GNL3: variants seen among roughly 807,000 people sequenced by gnomAD.
GNL3 encodes the protein guanine nucleotide-binding protein-like 3.
In GNL3, 77 loss-of-function variants were observed where a neutral mutation model predicts 70.6. The ratio of observed to expected loss-of-function variants is 1.09; its 90% CI spans 0.91 to 1.32. The LOEUF (loss-of-function observed/expected upper bound fraction) is 1.32, where lower values mean the gene tolerates loss of function less well. GNL3 is among the 40% of genes most tolerant of loss of function. The pLI, the probability that GNL3 is intolerant of heterozygous loss-of-function variation, is 0.00. For synonymous variants in GNL3, 252 were observed against 216.1 expected (o/e 1.17, Z -1.46); for missense variants, 634 against 644.0 (o/e 0.98, Z 0.17).
At chr3:52,686,325 A>C (rs945591704) in intron 1 of GNL3, 1 of 601,758 alleles carries the variant, frequency 1.7e-6, no homozygotes, top group African/African-American at 1.9e-5. Flanking sequence ...AGCCGGGCAG[A>C]GGGTGGGGAA....
intron 6 of GNL3, among the ~76,000 whole-genome samples, chr3:52,690,323 C>T (rs529824327): frequency 5.3e-5 from 8 of 152,204 alleles, no homozygotes; most frequent in Non-Finnish European, 8.8e-5. Context: ...AGTGCAGTGG[C>T]GCCATCTCAG....
intron 1 of GNL3, among the ~76,000 whole-genome samples, 176 bp from the exon 2 acceptor site, chr3:52,686,593 A>C (rs1387879797): frequency 1.3e-5 from 2 of 152,204 alleles, no homozygotes; most frequent in Non-Finnish European, 2.9e-5. Flanking sequence ...TTCTGGATCT[A>C]CTGAATTTAA....
At chr3:52,688,926 T>C (rs2097324697) in intron 5 of GNL3, 148 bp from the exon 6 acceptor site, 1 of 673,078 alleles carries the variant, frequency 1.5e-6, no homozygotes, top group Non-Finnish European at 2.6e-6. Context: ...CATACCAAAG[T>C]GAAGACATGA....
chr3:52,688,253 T>C, intron 5 of GNL3, 61 bp downstream of exon 5: 1 of 961,924 alleles, frequency 1.0e-6, no homozygotes, highest in Non-Finnish European at 1.7e-6. Flanking sequence ...TCAAGTCATT[T>C]TTTTTTTAAC....
In GNL3 at chr3:52,692,884, T is replaced by C. The variant is rs759657394; in HGVS notation, c.882T>C (p.Val294=). 12 of 1,612,928 alleles carry C rather than the reference T, an allele frequency of 7.4e-6. No homozygotes were observed. Among genetic ancestry groups the C allele is most frequent in the Non-Finnish European group, 1.0e-5 (12 of 1,179,308 alleles). Residue 294 remains valine, a synonymous_variant, in exon 10 of 15, where the codon GTT becomes GTC. Coordinates refer to ENST00000418458, the MANE Select transcript of GNL3 (RefSeq NM_014366.5). ...GCTCTTCTTTCAGGAGCATGCAAGT[T>C]GTCCCCTTGGACAAACAGATCACAA... The part of the protein sequence containing the change: ...VSMGLTRSMQ[V]VPLDKQITII...
At chr3:52,693,853 A>G in intron 13 of GNL3, 46 bp downstream of exon 13, 1 of 1,493,702 alleles carries the variant, frequency 6.7e-7, no homozygotes, top group Non-Finnish European at 9.3e-7. Flanking sequence ...GTTTTCTAGC[A>G]TTATAATACA....
chr3:52,686,023 A>T, upstream of GNL3: 1 of 814,252 alleles, frequency 1.2e-6, no homozygotes, highest in Non-Finnish European at 2.2e-6. Flanking sequence ...GACGCTCGTC[A>T]GTGGCTTCAG....
intron 6 of GNL3, 142 bp from the exon 7 acceptor site, chr3:52,690,450 A>G (rs2097326175): frequency 3.6e-6 from 2 of 556,458 alleles, no homozygotes; most frequent in Non-Finnish European, 6.6e-6. Context: ...TTTTTAGTAG[A>G]GACGGGGTTT....
intron 7 of GNL3, 69 bp from the exon 8 acceptor site, chr3:52,690,876 T>C: frequency 6.6e-7 from 1 of 1,512,088 alleles, no homozygotes; most frequent in Non-Finnish European, 9.2e-7. Context: ...CTCTGGAGCC[T>C]GATTGCTTGG....
At chr3:52,693,940 G>T (rs973854837) in intron 13 of GNL3, 97 bp from the exon 14 acceptor site, 15 of 1,301,018 alleles carry the variant, frequency 1.2e-5, no homozygotes, top group Non-Finnish European at 1.4e-5. Flanking sequence ...CCCGTTATAT[G>T]TACCTCCAAA....
upstream of GNL3, chr3:52,686,025 T>C (rs2097307895): frequency 1.2e-6 from 1 of 819,166 alleles, no homozygotes; most frequent in African/African-American, 1.7e-5. Context: ...CGCTCGTCAG[T>C]GGCTTCAGTT....
In GNL3 at chr3:52,690,928, A is replaced by G. The variant is rs936306161; in HGVS notation, c.655-17A>G. 12 of 1,613,098 alleles carry G rather than the reference A, an allele frequency of 7.4e-6. No individual in the cohort carries two copies. The highest frequency in any genetic ancestry group is 6.7e-5 in the African/African-American group (5 of 74,918). ...TCAGGTAAGTTGCCAGAATAATTCA[A>G]CTATTTGGAATTTTAGCGTGTGAAG... On this transcript the variant is annotated splice_polypyrimidine_tract_variant and intron_variant, in intron 7 of 14. Coordinates refer to ENST00000418458, the MANE Select transcript of GNL3 (RefSeq NM_014366.5).
intron 5 of GNL3, 115 bp downstream of exon 5, chr3:52,688,307 A>G: frequency 1.5e-6 from 1 of 653,128 alleles, no homozygotes; most frequent in Non-Finnish European, 2.8e-6. Flanking sequence ...TATATGGGTA[A>G]ACTTGCGTCA....
intron 6 of GNL3, among the ~76,000 whole-genome samples, chr3:52,690,248 T>C (rs1048972780): frequency 6.6e-6 from 1 of 152,142 alleles, no homozygotes. Context: ...AATAGCCACA[T>C]TGGAGCAAAT....
chr3:52,691,432 C>T, intron 8 of GNL3, 110 bp from the exon 9 acceptor site: 1 of 717,574 alleles, frequency 1.4e-6, no homozygotes, highest in Non-Finnish European at 2.5e-6. Context: ...CACTGAGATC[C>T]AACTCTGATC....
intron 8 of GNL3, 150 bp downstream of exon 8, chr3:52,691,221 A>C: frequency 4.3e-6 from 3 of 702,252 alleles, no homozygotes. Flanking sequence ...TACCTTACTG[A>C]AAGCACATAA....
chr3:52,686,569 G>A (rs1393511920), intron 1 of GNL3, 200 bp from the exon 2 acceptor site: 5 of 600,964 alleles, frequency 8.3e-6, no homozygotes, highest in African/African-American at 1.9e-5. Context: ...TAAGTGCAGG[G>A]AATTTTGACT....
At chr3:52,691,848 A>G (rs113010820) in intron 9 of GNL3, among the ~76,000 whole-genome samples, 6,015 of 152,016 alleles carry the variant, frequency 0.04, 401 homozygotes, top group African/African-American at 0.14. Context: ...GATTACAGGC[A>G]TGTGCCCCCA....
At chr3:52,688,318 T>C in intron 5 of GNL3, 126 bp downstream of exon 5, 1 of 632,718 alleles carries the variant, frequency 1.6e-6, no homozygotes, top group South Asian at 1.8e-5. Context: ...ACTTGCGTCA[T>C]AGGGGTTTGC....
Sources: allele counts gnomAD v4.1 joint callset (sites outside exome capture counted in the v4.1 genomes callset), GRCh38; gene constraint gnomAD v4.1.1; transcripts MANE v1.5; gene names NCBI Gene and HGNC (gene_info 2026-07-23, HGNC 2026-07-21).